Variants in NOXRED1 observed in about 807,000 individuals in gnomAD.
The protein encoded by NOXRED1 is NADP dependent oxidoreductase domain containing 1.
Under a neutral mutation model 30.4 loss-of-function variants are expected in NOXRED1, and 20 were observed. That is an observed-to-expected ratio of 0.66 (90% CI 0.46 to 0.96). The LOEUF is 0.96. NOXRED1 is among the 40% of genes least tolerant of loss of function. The pLI is 0.00. For synonymous variants in NOXRED1, 155 were observed against 168.0 expected, an observed-to-expected ratio of 0.92 and a Z score of 0.60; for missense variants, 374 against 428.0, an observed-to-expected ratio of 0.87 and a Z score of 1.11.
upstream of NOXRED1, among the ~76,000 whole-genome samples, chr14:77,425,478 G>A (rs756167400): frequency 5.9e-5 from 9 of 152,344 alleles, no homozygotes; most frequent in East Asian, 1.2e-3. Flanking sequence ...AGTAACCACT[G>A]TTTGTTTGAA....
At chr14:77,404,236 A>G (rs1894399944) in intron 5 of NOXRED1, among the ~76,000 whole-genome samples, 1 of 152,156 alleles carries the variant, frequency 6.6e-6, no homozygotes, top group Non-Finnish European at 1.5e-5. Context: ...TACAACAGAA[A>G]AGTGAGGGGA....
At chr14:77,396,331 C>G (rs1400232080) in intron 5 of NOXRED1, among the ~76,000 whole-genome samples, 1 of 100,820 alleles carries the variant, frequency 9.9e-6, no homozygotes, top group Non-Finnish European at 1.9e-5. Context: ...CTCACCACAA[C>G]CTCCGCCTCC....
intron 5 of NOXRED1, among the ~76,000 whole-genome samples, chr14:77,403,742 C>T (rs896565427): frequency 6.6e-6 from 1 of 152,160 alleles, no homozygotes; most frequent in Non-Finnish European, 1.5e-5. Flanking sequence ...AGACCTACAT[C>T]ATGGCACATC....
intron 1 of NOXRED1, among the ~76,000 whole-genome samples, chr14:77,420,457 C>G (rs1459403869): frequency 6.6e-6 from 1 of 151,792 alleles, no homozygotes; most frequent in East Asian, 1.9e-4. Flanking sequence ...AAATAATCCT[C>G]CCACCTCAGC....
chr14:77,419,039 T>A (rs1172592788), intron 1 of NOXRED1, among the ~76,000 whole-genome samples: 1 of 151,990 alleles, frequency 6.6e-6, no homozygotes, highest in Non-Finnish European at 1.5e-5. Flanking sequence ...AGGTTTTTTG[T>A]TGTTGTTTAT....
upstream of NOXRED1, among the ~76,000 whole-genome samples, chr14:77,423,814 C>G (rs1895062409): frequency 6.6e-6 from 1 of 152,078 alleles, no homozygotes; most frequent in Non-Finnish European, 1.5e-5. Context: ...TTTTTGTGTT[C>G]AAGAAACCAA....
At chr14:77,409,336 G>A (rs535914883) in intron 2 of NOXRED1, among the ~76,000 whole-genome samples, 34 of 152,210 alleles carry the variant, frequency 2.2e-4, no homozygotes, top group Non-Finnish European at 3.7e-4. Context: ...TCATGATAGC[G>A]AGGGAGTTCT....
At chr14:77,404,486 G>T (rs1894406315) in intron 5 of NOXRED1, among the ~76,000 whole-genome samples, 1 of 152,152 alleles carries the variant, frequency 6.6e-6, no homozygotes, top group African/African-American at 2.4e-5. Flanking sequence ...AGTGGAGATG[G>T]TGAATACACA....
chr14:77,414,864 A>AT (rs375122745), intron 1 of NOXRED1, among the ~76,000 whole-genome samples: 278 of 147,432 alleles, frequency 1.9e-3, no homozygotes, highest in African/African-American at 4.0e-3. Flanking sequence ...ACAGCTTTCA[A>AT]TTTTTTTTTT....
At chr14:77,394,872 CA>C in intron 5 of NOXRED1, 67 bp from the exon 6 acceptor site, 2 of 1,163,470 alleles carry the variant, frequency 1.7e-6, no homozygotes, top group East Asian at 4.7e-5. Flanking sequence ...CTGTTAAACA[CA>C]TCTTTTAAAG....
intron 5 of NOXRED1, among the ~76,000 whole-genome samples, chr14:77,397,881 CAA>C (rs34854528): frequency 4.9e-4 from 50 of 102,498 alleles, no homozygotes; most frequent in Admixed American, 4.0e-4. Flanking sequence ...AACTCCATCT[CAA>C]AAAAAAAAAA....
intron 1 of NOXRED1, among the ~76,000 whole-genome samples, chr14:77,415,966 C>A: frequency 6.6e-6 from 1 of 152,206 alleles, no homozygotes; most frequent in South Asian, 2.1e-4. Context: ...CCGCCCACCT[C>A]CGCCTCCCAA....
chr14:77,416,651 C>T (rs1328555104), intron 1 of NOXRED1, among the ~76,000 whole-genome samples: 1 of 152,264 alleles, frequency 6.6e-6, no homozygotes, highest in Non-Finnish European at 1.5e-5. Context: ...TTTTCCCCAC[C>T]CTTCCCCCCT....
At chr14:77,412,101 T>TA (rs71128621) in intron 2 of NOXRED1, among the ~76,000 whole-genome samples, 16,898 of 63,402 alleles carry the variant, frequency 0.27, 2,159 homozygotes, top group Admixed American at 0.34. Context: ...AGACTCAGTC[T>TA]AAAAAAAAAA....
intron 5 of NOXRED1, among the ~76,000 whole-genome samples, chr14:77,405,245 A>C (rs1172335414): frequency 1.3e-5 from 2 of 152,152 alleles, no homozygotes; most frequent in African/African-American, 2.4e-5. Flanking sequence ...AAATACAAAA[A>C]TTAGCCAGGC....
intron 1 of NOXRED1, among the ~76,000 whole-genome samples, chr14:77,419,373 TCTC>T (rs1894922186): frequency 6.7e-6 from 1 of 150,362 alleles, no homozygotes; most frequent in Admixed American, 6.6e-5. Flanking sequence ...ATGCCCAGCT[TCTC>T]CTTAGTTTTT....
upstream of NOXRED1, among the ~76,000 whole-genome samples, chr14:77,424,134 A>G (rs941366788): frequency 5.9e-5 from 9 of 152,228 alleles, no homozygotes; most frequent in African/African-American, 1.4e-4. Context: ...GAAGGCTGTT[A>G]TATGACGACA....
rs912306408 is a variant in NOXRED1 at position 77,406,149 on chromosome 14, A to C, written c.683-14T>G. The C allele has an allele frequency of 6.3e-7, 1 of 1,583,542 alleles. No individual in the cohort carries two copies. Among genetic ancestry groups the C allele is most frequent in the Non-Finnish European group, 8.7e-7 (1 of 1,153,638 alleles). The stretch of plus-strand genomic sequence containing the variant: ...GGATTATTCCCCCTACACATCAATG[A>C]GAAGGTAAATACCAGTTAGCACCAC... On this transcript the variant is annotated splice_polypyrimidine_tract_variant and intron_variant, in intron 4 of 5. Transcript: ENST00000380835.
intron 5 of NOXRED1, among the ~76,000 whole-genome samples, chr14:77,401,006 C>T (rs1027408213): frequency 2.0e-5 from 3 of 152,204 alleles, no homozygotes; most frequent in African/African-American, 2.4e-5. Flanking sequence ...TTCTTCCCAA[C>T]TGAACTACAC....
Sources: gnomAD v4.1 joint callset for allele counts (sites outside exome capture counted in the v4.1 genomes callset) on GRCh38, gnomAD v4.1.1 for gene constraint, MANE v1.5 for transcripts, NCBI Gene and HGNC (gene_info 2026-07-23, HGNC 2026-07-21) for gene names.